The following CLEC5A variants were observed in gnomAD, a reference collection of about 807,000 sequenced individuals.
CLEC5A encodes C-type lectin domain containing 5A.
CLEC5A carries 15 observed loss-of-function variants against 24.4 expected under a neutral mutation model. The observed-to-expected ratio is 0.62, with a 90% CI of 0.41 to 0.95. The LOEUF (loss-of-function observed/expected upper bound fraction) is 0.95, where lower values mean the gene tolerates loss of function less well. Among genes scored for constraint, CLEC5A ranks in the 40% least tolerant of loss-of-function variants. CLEC5A has a pLI of 0.00. For synonymous variants in CLEC5A, 71 were observed against 72.6 expected (o/e 0.98, Z 0.11); for missense variants, 211 against 224.0 (o/e 0.94, Z 0.37).
chr7:141,940,102 T>C (rs1441786763), intron 4 of CLEC5A, among the ~76,000 whole-genome samples: 3 of 152,148 alleles, frequency 2.0e-5, no homozygotes, highest in African/African-American at 7.2e-5. Flanking sequence ...TAGATATTTA[T>C]AGAACATTCT....
chr7:141,946,389 G>T, intron 1 of CLEC5A, 77 bp from the exon 2 acceptor site: 2 of 1,324,470 alleles, frequency 1.5e-6, no homozygotes, highest in Non-Finnish European at 1.0e-6. Flanking sequence ...CCAGCCTCTC[G>T]CTCAGAGTAC....
At chr7:141,935,190 T>C (rs141524434) in intron 5 of CLEC5A, among the ~76,000 whole-genome samples, 142 of 152,344 alleles carry the variant, frequency 9.3e-4, no homozygotes, top group African/African-American at 3.3e-3. Context: ...ATAGTGTATG[T>C]AGCACAGATT....
chr7:141,938,692 A>G (rs1428869654), intron 4 of CLEC5A, among the ~76,000 whole-genome samples: 22 of 152,182 alleles, frequency 1.4e-4, no homozygotes, highest in Non-Finnish European at 1.5e-5. Context: ...GCACTTAATA[A>G]TCAAACCCCC....
chr7:141,938,497 C>T (rs12531781), intron 4 of CLEC5A, among the ~76,000 whole-genome samples: 35,323 of 151,930 alleles, frequency 0.23, 5,024 homozygotes, highest in East Asian at 0.46. Context: ...AAAAAATAGC[C>T]TCAAAAGGGC....
intron 6 of CLEC5A, among the ~76,000 whole-genome samples, chr7:141,930,465 C>T (rs1429784152): frequency 1.3e-5 from 2 of 152,206 alleles, no homozygotes; most frequent in African/African-American, 4.8e-5. Context: ...TGTCAGCTCT[C>T]CTGTGAGCGT....
At chr7:141,936,940 C>T (rs1464158472) in intron 4 of CLEC5A, among the ~76,000 whole-genome samples, 1 of 151,960 alleles carries the variant, frequency 6.6e-6, no homozygotes, top group Non-Finnish European at 1.5e-5. Context: ...TGTAGAGACA[C>T]CTAGACATAC....
intron 4 of CLEC5A, among the ~76,000 whole-genome samples, chr7:141,942,445 G>A (rs1184430690): frequency 2.6e-5 from 4 of 152,040 alleles, no homozygotes; most frequent in African/African-American, 9.7e-5. Context: ...ATTAAAGACT[G>A]AAATCTAAAA....
rs1802332564 is a variant in CLEC5A at position 141,927,513 on chromosome 7, T to TA, written c.*2590dup. 6.6e-6 allele frequency: 1 copy of TA among 152,234 alleles called. No homozygotes were observed. Among genetic ancestry groups the TA allele is most frequent in the Non-Finnish European group, 1.5e-5 (1 of 68,044 alleles). 9.4% of individuals were successfully genotyped at this position (152,234 alleles called of 1,614,324 possible). On this transcript the variant is annotated 3_prime_UTR_variant, in exon 7 of 7. Transcript: ENST00000546910. Reference sequence around the variant, plus strand: ...AGAGATAACCAGAAAACTCCAGTGGTATACAGTGATAAGTTTTTATTTTTG... The same window carrying TA: ...AGAGATAACCAGAAAACTCCAGTGGTAATACAGTGATAAGTTTTTATTTTTG...
At chr7:141,935,101 A>T (rs1294352) in intron 5 of CLEC5A, among the ~76,000 whole-genome samples, 136,792 of 152,180 alleles carry the variant, frequency 0.9, 62,153 homozygotes, top group Non-Finnish European at 0.97. Context: ...AGAAAGGAGA[A>T]GTTCTTACAA....
In CLEC5A at chr7:141,946,330, C is replaced by CA. The variant is rs1396832536; in HGVS notation, c.-20-19dup. 1 of 1,549,470 alleles carries CA rather than the reference C, an allele frequency of 6.5e-7. No individual in the cohort carries two copies. The highest frequency in any genetic ancestry group is 8.7e-7 in the Non-Finnish European group (1 of 1,145,534). On this transcript the variant is annotated intron_variant, in intron 1 of 6. Coordinates refer to ENST00000546910, the MANE Select transcript of CLEC5A (RefSeq NM_013252.3). Reference sequence around the variant, plus strand: ...GCAGGGGCCTGTGAAGATTAGAGCACAGCAGCATCAGAATTCGGGTACAAG... The same window carrying CA: ...GCAGGGGCCTGTGAAGATTAGAGCACAAGCAGCATCAGAATTCGGGTACAAG...
chr7:141,935,740 A>C (rs200450419), intron 5 of CLEC5A, 74 bp downstream of exon 5: 1 of 1,201,960 alleles, frequency 8.3e-7, no homozygotes, highest in Non-Finnish European at 1.2e-6. Flanking sequence ...CCACTCCCCC[A>C]AGTTTCTACC....
intron 5 of CLEC5A, among the ~76,000 whole-genome samples, chr7:141,933,331 G>C (rs1802518677): frequency 6.6e-6 from 1 of 151,986 alleles, no homozygotes; most frequent in East Asian, 1.9e-4. Flanking sequence ...TGGACTTCCT[G>C]GAAGAGAGCA....
At chr7:141,946,598 A>G (rs1414111677) in intron 1 of CLEC5A, among the ~76,000 whole-genome samples, 1 of 152,210 alleles carries the variant, frequency 6.6e-6, no homozygotes, top group Non-Finnish European at 1.5e-5. Context: ...TCTAATAATT[A>G]AACCCTCTCC....
chr7:141,936,715 C>T (rs1802640542), intron 4 of CLEC5A, among the ~76,000 whole-genome samples: 1 of 152,140 alleles, frequency 6.6e-6, no homozygotes, highest in East Asian at 1.9e-4. Context: ...GAGATACCAG[C>T]CAGGGTGGCC....
In CLEC5A at chr7:141,928,821, T is replaced by G. The variant is rs1339384942; in HGVS notation, c.*1283A>C. 1 of 152,252 alleles carries G rather than the reference T, an allele frequency of 6.6e-6. No homozygotes were observed. The highest frequency in any genetic ancestry group is 6.5e-5 in the Admixed American group (1 of 15,280). The allele number at this position is 152,252 out of a possible 1,614,324, so 9.4% of individuals were successfully genotyped here. ...ATGGTATGTGCTGTACTTTGGTGAC[T>G]ATTATTTCCATCAGTTTTATACATG... is the stretch of plus-strand genomic sequence containing the variant. On this transcript the variant is annotated 3_prime_UTR_variant, in exon 7 of 7. Coordinates refer to ENST00000546910, the MANE Select transcript of CLEC5A (RefSeq NM_013252.3).
At chr7:141,936,921 A>G (rs1383518300) in intron 4 of CLEC5A, among the ~76,000 whole-genome samples, 1 of 151,972 alleles carries the variant, frequency 6.6e-6, no homozygotes, top group Non-Finnish European at 1.5e-5. Context: ...CTAGTTCCTG[A>G]AAGACATTTG....
intron 3 of CLEC5A, among the ~76,000 whole-genome samples, chr7:141,944,763 A>T (rs1416568955): frequency 6.6e-6 from 1 of 152,194 alleles, no homozygotes; most frequent in African/African-American, 2.4e-5. Context: ...ATTGGCATTC[A>T]CTTTTTATTT....
intron 5 of CLEC5A, among the ~76,000 whole-genome samples, 170 bp downstream of exon 5, chr7:141,935,644 A>G (rs1299063676): frequency 6.6e-6 from 1 of 152,142 alleles, no homozygotes; most frequent in Non-Finnish European, 1.5e-5. Context: ...CACTGCTACT[A>G]AGAAGAATCT....
At chr7:141,942,485 C>T (rs1594776) in intron 4 of CLEC5A, among the ~76,000 whole-genome samples, 35,036 of 151,922 alleles carry the variant, frequency 0.23, 4,961 homozygotes, top group East Asian at 0.46. Flanking sequence ...AAGAAAACTT[C>T]GGGGAAACTC....
Sources: gnomAD v4.1 joint callset for allele counts (sites outside exome capture counted in the v4.1 genomes callset) on GRCh38, gnomAD v4.1.1 for gene constraint, MANE v1.5 for transcripts, NCBI Gene and HGNC (gene_info 2026-07-23, HGNC 2026-07-21) for gene names.